The following DDX50 variants were observed in gnomAD, a reference collection of about 807,000 sequenced individuals.
The protein encoded by DDX50 is ATP-dependent RNA helicase DDX50.
Under a neutral mutation model 94.8 loss-of-function variants are expected in DDX50, and 56 were observed. The ratio of observed to expected loss-of-function variants is 0.59; its 90% CI spans 0.48 to 0.74. The LOEUF (loss-of-function observed/expected upper bound fraction) is 0.74, where lower values mean the gene tolerates loss of function less well. Ranked by LOEUF, DDX50 falls within the 30% of genes least tolerant of loss-of-function variation. The pLI is 0.00. For synonymous variants in DDX50, 264 were observed against 295.4 expected (o/e 0.89, Z 1.09); for missense variants, 713 against 881.2 (o/e 0.81, Z 2.42).
chr10:68,938,849 C>T (rs1193204649), intron 12 of DDX50, among the ~76,000 whole-genome samples: 2 of 152,134 alleles, frequency 1.3e-5, no homozygotes, highest in African/African-American at 2.4e-5. Context: ...TCTTTAGTCT[C>T]TTTTAGTCTG....
intron 2 of DDX50, among the ~76,000 whole-genome samples, chr10:68,909,860 C>A (rs1841574036): frequency 6.6e-6 from 1 of 152,172 alleles, no homozygotes; most frequent in Admixed American, 6.5e-5. Context: ...CAGGGTTTCT[C>A]CATGTTGGTC....
rs1437439027 is a variant in DDX50, at chr10:68,934,936, ATT to A, written c.1521+20_1521+21del. On this transcript the variant is annotated intron_variant, in intron 10 of 14. Coordinates refer to ENST00000373585, the MANE Select transcript of DDX50 (RefSeq NM_024045.2). This position sits in a 1 kb window ranked among gnomAD's most constrained non-coding sequence, Gnocchi z 4.0. ...AAAAAGCAGTAAGTAGAGTTAAATT[ATT>A]TCAGGCTTATTGTCTAAATGGTGCC... The A allele has an allele frequency of 1.2e-6, 2 of 1,608,306 alleles. No homozygotes were observed. The highest frequency in any genetic ancestry group is 1.7e-6 in the Non-Finnish European group (2 of 1,177,770).
intron 7 of DDX50, among the ~76,000 whole-genome samples, chr10:68,917,020 G>A (rs1301031068): frequency 6.6e-6 from 1 of 151,620 alleles, no homozygotes; most frequent in Non-Finnish European, 1.5e-5. Flanking sequence ...TACCTAGTGT[G>A]CACATTGCCC....
chr10:68,946,714 A>C lies in DDX50; in HGVS notation c.*84A>C. 1 of 1,508,648 alleles carries C rather than the reference A, an allele frequency of 6.6e-7. No individual in the cohort carries two copies. Among genetic ancestry groups the C allele is most frequent in the Non-Finnish European group, 8.9e-7 (1 of 1,122,220 alleles). The allele number at this position is 1,508,648 out of a possible 1,614,324, so 93.5% of individuals were successfully genotyped here. On this transcript the variant is annotated 3_prime_UTR_variant, in exon 15 of 15. Coordinates refer to ENST00000373585, the MANE Select transcript of DDX50 (RefSeq NM_024045.2). Reference sequence around the variant, plus strand: ...TATCCACCAAAAATTAGGTCATCATAGTTGAGGTATGTGTCTGCTATTTGC... The same window carrying C: ...TATCCACCAAAAATTAGGTCATCATCGTTGAGGTATGTGTCTGCTATTTGC...
At chr10:68,935,690 CTGGGCATGG>C (rs1842387891) in intron 10 of DDX50, among the ~76,000 whole-genome samples, 1 of 152,038 alleles carries the variant, frequency 6.6e-6, no homozygotes, top group Non-Finnish European at 1.5e-5. Context: ...CCAAAATTAG[CTGGGCATGG>C]TGGTAGACAC....
chr10:68,938,334 G>A (rs1430778343), intron 12 of DDX50, among the ~76,000 whole-genome samples: 1 of 152,188 alleles, frequency 6.6e-6, no homozygotes, highest in Non-Finnish European at 1.5e-5. Flanking sequence ...TGCCAGATTC[G>A]TATCACATGT....
chr10:68,914,322 C>T, intron 7 of DDX50, 118 bp downstream of exon 7: 7 of 1,056,292 alleles, frequency 6.6e-6, no homozygotes, highest in Non-Finnish European at 9.7e-6. Context: ...CTTTTCTGCT[C>T]TTAGTAAGAC....
intron 4 of DDX50, 126 bp downstream of exon 4, chr10:68,911,372 A>AT: frequency 9.5e-7 from 1 of 1,054,368 alleles, no homozygotes; most frequent in Non-Finnish European, 1.3e-6. Context: ...AAACAAAAAT[A>AT]TGTTGTTTTT....
chr10:68,929,790 G>T (rs1006712596), intron 8 of DDX50, among the ~76,000 whole-genome samples: 1 of 146,292 alleles, frequency 6.8e-6, no homozygotes, highest in Non-Finnish European at 1.5e-5. Context: ...GCAGTGGTGC[G>T]ATGTCGACTC....
chr10:68,938,465 A>G (rs1842476700), intron 12 of DDX50, among the ~76,000 whole-genome samples: 1 of 152,198 alleles, frequency 6.6e-6, no homozygotes, highest in Non-Finnish European at 1.5e-5. Context: ...GTTATGTCTG[A>G]GTGGAGAGAG....
chr10:68,936,102 A>G (rs1309308150), intron 11 of DDX50, 23 bp downstream of exon 11: 2 of 1,581,612 alleles, frequency 1.3e-6, no homozygotes, highest in South Asian at 2.3e-5. Context: ...AACTTGCTGA[A>G]TAATTGTTTC....
At chr10:68,935,119 C>T (rs1002628437) in intron 10 of DDX50, among the ~76,000 whole-genome samples, 1 of 152,194 alleles carries the variant, frequency 6.6e-6, no homozygotes, top group Non-Finnish European at 1.5e-5. Context: ...GTGGAGCTGA[C>T]TTTCTCATCT....
chr10:68,917,769 A>T (rs1034342580), intron 7 of DDX50, among the ~76,000 whole-genome samples: 1 of 151,912 alleles, frequency 6.6e-6, no homozygotes, highest in Admixed American at 6.6e-5. Context: ...TGTCCGGCTA[A>T]TTTTTGTGTT....
intron 12 of DDX50, among the ~76,000 whole-genome samples, chr10:68,937,874 C>G (rs1179624836): frequency 1.3e-5 from 2 of 152,166 alleles, no homozygotes; most frequent in African/African-American, 4.8e-5. Flanking sequence ...GCGTGAGCCA[C>G]CTCACCCGGC....
intron 1 of DDX50, 111 bp downstream of exon 1, chr10:68,901,582 GCCTCCCTTCGCGCCGCCCTCGGC>G: frequency 8.7e-7 from 1 of 1,145,688 alleles, no homozygotes. Flanking sequence ...GCATCCGAGG[GCCTCCCTTCGCGCCGCCCTCGGC>G]CCTCTGGGGT....
chr10:68,907,001 A>G lies in DDX50; in HGVS notation c.378A>G (p.Leu126=), dbSNP rs1013613830. ...CTCATAAATCAAGTGATAATAAACT[A>G]GAGGAGGTATGGAAGCTTTTTATTT... is the stretch of plus-strand genomic sequence containing the variant. ...TSTHKSSDNK[L]EETLTREQKE... is the part of the protein sequence containing the mutation. Residue 126 remains leucine (L), a synonymous_variant, in exon 2 of 15, where the codon CTA becomes CTG. Coordinates refer to ENST00000373585, the MANE Select transcript of DDX50 (RefSeq NM_024045.2). The G allele has an allele frequency of 1.3e-6, 2 of 1,576,320 alleles. No homozygotes were observed. The highest frequency in any genetic ancestry group is 2.8e-5 in the African/African-American group (2 of 72,328).
chr10:68,931,852 C>T (rs553401223), intron 8 of DDX50, among the ~76,000 whole-genome samples: 2 of 152,104 alleles, frequency 1.3e-5, no homozygotes, highest in Admixed American at 1.3e-4. Flanking sequence ...ATCCCCGCTC[C>T]CTTTTCAGTC....
Position 68,913,371 on chromosome 10 carries a change from G to A in DDX50, c.758-20G>A. 6.2e-7 allele frequency: 1 copy of A among 1,605,440 alleles called. No individual in the cohort carries two copies. Among genetic ancestry groups the A allele is most frequent in the Non-Finnish European group, 8.5e-7 (1 of 1,176,102 alleles). The stretch of plus-strand genomic sequence containing the variant: ...AAAGTTTGAATTTTACATATTGGTG[G>A]CATTTCTCTCTTCTCACAGTTAATC... On this transcript the variant is annotated intron_variant, in intron 5 of 14. Coordinates refer to ENST00000373585, the MANE Select transcript of DDX50 (RefSeq NM_024045.2).
At chr10:68,929,390 C>T (rs1043286326) in intron 8 of DDX50, among the ~76,000 whole-genome samples, 2 of 148,716 alleles carry the variant, frequency 1.3e-5, no homozygotes, top group Non-Finnish European at 3.0e-5. Flanking sequence ...TCCTTCCTTT[C>T]CTTTCTTTCC....
Sources: gnomAD v4.1 joint callset for allele counts (sites outside exome capture counted in the v4.1 genomes callset) on GRCh38, gnomAD v4.1.1 for gene constraint, Gnocchi (gnomAD v3.1) non-coding constraint, MANE v1.5 for transcripts, NCBI Gene and HGNC (gene_info 2026-07-23, HGNC 2026-07-21) for gene names.